Variants in LRRTM4 observed in about 807,000 individuals in gnomAD.
The protein encoded by LRRTM4 is leucine-rich repeat transmembrane neuronal protein 4.
LRRTM4 carries 25 observed loss-of-function variants against 47.6 expected under a neutral mutation model. That is an observed-to-expected ratio of 0.53 (90% confidence interval 0.38 to 0.73). The LOEUF (loss-of-function observed/expected upper bound fraction) is 0.73, where lower values mean the gene tolerates loss of function less well. LRRTM4 is among the 30% of genes least tolerant of loss of function. LRRTM4 has a pLI of 0.00. For synonymous variants in LRRTM4, 311 were observed against 269.5 expected, an observed-to-expected ratio of 1.15 and a Z score of -1.51; for missense variants, 638 against 713.4, an observed-to-expected ratio of 0.89 and a Z score of 1.20.
intron 3 of LRRTM4, among the ~76,000 whole-genome samples, chr2:76,951,970 AT>A (rs1334039690): frequency 6.6e-6 from 1 of 151,864 alleles, no homozygotes; most frequent in Non-Finnish European, 1.5e-5. Context: ...ATCATTTTTT[AT>A]GACTTCATAG....
At chr2:77,206,337 T>C (rs754237413) in intron 3 of LRRTM4, among the ~76,000 whole-genome samples, 1 of 151,554 alleles carries the variant, frequency 6.6e-6, no homozygotes, top group Non-Finnish European at 1.5e-5. Flanking sequence ...TGCCACCAAG[T>C]CCAGCTAATT....
At chr2:76,954,231 T>C (rs1675596358) in intron 3 of LRRTM4, among the ~76,000 whole-genome samples, 1 of 151,460 alleles carries the variant, frequency 6.6e-6, no homozygotes, top group East Asian at 1.9e-4. Flanking sequence ...AGAAACAAAC[T>C]CTAGGGAAAT....
intron 3 of LRRTM4, among the ~76,000 whole-genome samples, chr2:77,354,665 G>C (rs1671905523): frequency 6.6e-6 from 1 of 152,150 alleles, no homozygotes. Flanking sequence ...GCTTTATGCA[G>C]GTATGATGGG....
chr2:77,506,907 CT>C (rs1678796666), intron 3 of LRRTM4, among the ~76,000 whole-genome samples: 1 of 151,874 alleles, frequency 6.6e-6, no homozygotes, highest in Non-Finnish European at 1.5e-5. Context: ...AAAATGTGAA[CT>C]TCAAAGTAAT....
At chr2:77,426,205 T>C (rs1199583848) in intron 3 of LRRTM4, among the ~76,000 whole-genome samples, 2 of 152,126 alleles carry the variant, frequency 1.3e-5, no homozygotes, top group Non-Finnish European at 2.9e-5. Context: ...ACTTGTTAAA[T>C]GCTACTCAAG....
At chr2:77,393,267 T>C (rs1673575155) in intron 3 of LRRTM4, among the ~76,000 whole-genome samples, 1 of 152,016 alleles carries the variant, frequency 6.6e-6, no homozygotes, top group Non-Finnish European at 1.5e-5. Context: ...CCATGTGTCC[T>C]ATATTTAACC....
intron 3 of LRRTM4, among the ~76,000 whole-genome samples, chr2:77,122,039 A>T (rs1241350754): frequency 6.6e-6 from 1 of 151,860 alleles, no homozygotes; most frequent in Non-Finnish European, 1.5e-5. Context: ...CAATGTTTAC[A>T]TGTTTATATA....
At chr2:77,094,062 A>G (rs1053647557) in intron 3 of LRRTM4, among the ~76,000 whole-genome samples, 1 of 152,176 alleles carries the variant, frequency 6.6e-6, no homozygotes. Context: ...TCTTAGAGGT[A>G]GAAAACCCTA....
At chr2:76,923,630 C>A (rs1674501952) in intron 3 of LRRTM4, among the ~76,000 whole-genome samples, 1 of 152,032 alleles carries the variant, frequency 6.6e-6, no homozygotes, top group Admixed American at 6.6e-5. Context: ...CCCACATATT[C>A]TAGGAAAGCA....
intron 3 of LRRTM4, among the ~76,000 whole-genome samples, chr2:76,936,218 G>T (rs1315803610): frequency 6.6e-6 from 1 of 152,118 alleles, no homozygotes; most frequent in Non-Finnish European, 1.5e-5. Context: ...ACTGGATAAA[G>T]AAAATATGGT....
At chr2:76,780,185 G>A (rs1674287865) in intron 3 of LRRTM4, among the ~76,000 whole-genome samples, 1 of 152,142 alleles carries the variant, frequency 6.6e-6, no homozygotes, top group Non-Finnish European at 1.5e-5. Flanking sequence ...CTCTCTGGCT[G>A]CCCTTAACAT....
intron 3 of LRRTM4, among the ~76,000 whole-genome samples, chr2:77,471,791 T>C (rs1249038411): frequency 6.6e-6 from 1 of 152,314 alleles, no homozygotes; most frequent in East Asian, 1.9e-4. Flanking sequence ...CAGGATTCTC[T>C]AGCTCCTTCA....
rs574232130 is a variant in LRRTM4, at chr2:77,096,797, AAC to A, written c.1552-347883_1552-347882del. ...CAATTCAAAAGGAGGAATAATTAAA[AAC>A]ACAAAAATAAAGCTTAAAAAATCAG... On this transcript the variant is annotated intron_variant, in intron 3 of 3. Transcript: ENST00000409884. Among the ~76,000 whole-genome samples, 318 of 151,910 alleles carry A rather than the reference AAC, an allele frequency of 2.1e-3. 2 individuals carry two copies. Among genetic ancestry groups the A allele is most frequent in the Middle Eastern group, 8.6e-3 (2 of 232 alleles).
intron 3 of LRRTM4, among the ~76,000 whole-genome samples, chr2:77,464,999 T>C (rs1676929310): frequency 6.6e-6 from 1 of 152,190 alleles, no homozygotes; most frequent in Non-Finnish European, 1.5e-5. Flanking sequence ...AAATTGAATC[T>C]AATTATTCTT....
intron 3 of LRRTM4, among the ~76,000 whole-genome samples, chr2:76,829,346 T>G (rs1671271088): frequency 6.6e-6 from 1 of 151,968 alleles, no homozygotes; most frequent in South Asian, 2.1e-4. Context: ...GCAAGGTAAG[T>G]GTATCCATTT....
At chr2:77,350,126 T>C (rs1171183505) in intron 3 of LRRTM4, among the ~76,000 whole-genome samples, 2 of 149,924 alleles carry the variant, frequency 1.3e-5, no homozygotes, top group African/African-American at 2.4e-5. Flanking sequence ...ATCGAGACCA[T>C]CCTGGCTAAC....
At chr2:77,285,804 T>C (rs1225124633) in intron 3 of LRRTM4, among the ~76,000 whole-genome samples, 3 of 152,058 alleles carry the variant, frequency 2.0e-5, no homozygotes, top group African/African-American at 7.2e-5. Flanking sequence ...CATATATTTT[T>C]AGGTATTCTA....
At position 77,484,536 on chromosome 2, in the gene LRRTM4, T is replaced by C. The variant is rs1050081121; in HGVS notation, c.1551+33782A>G. Among the ~76,000 whole-genome samples the C allele has an allele frequency of 5.9e-5, 9 of 152,284 alleles. No individual in the cohort carries two copies. The South Asian group carries it at 1.5e-3, about 25-fold the overall frequency. ...GACTTTCTGTTTTTTCTTTTTCTAG[T>C]TTTATAGTTTATCTTTTAAGGATCT... is the stretch of plus-strand genomic sequence containing the variant. On this transcript the variant is annotated intron_variant, in intron 3 of 3. Transcript: ENST00000409884.
intron 3 of LRRTM4, among the ~76,000 whole-genome samples, chr2:77,067,662 C>T (rs1395524414): frequency 1.4e-5 from 2 of 147,180 alleles, no homozygotes; most frequent in East Asian, 2.1e-4. Context: ...AGAAGGATTA[C>T]GGTGATTGGT....
Sources: allele counts gnomAD v4.1 joint callset (sites outside exome capture counted in the v4.1 genomes callset), GRCh38; gene constraint gnomAD v4.1.1; transcripts MANE v1.5; gene names NCBI Gene and HGNC (gene_info 2026-07-23, HGNC 2026-07-21).